MAGI3: variants seen among roughly 807,000 people sequenced by gnomAD.
MAGI3 encodes the protein membrane-associated guanylate kinase, WW and PDZ domain-containing protein 3.
A neutral mutation model predicts 121.8 loss-of-function variants in MAGI3; 43 were observed. The ratio of observed to expected loss-of-function variants is 0.35; its 90% CI spans 0.28 to 0.46. The LOEUF is 0.46. MAGI3 is among the 20% of genes least tolerant of loss of function. MAGI3 has a pLI of 1.00. For missense variants in MAGI3, 1,547 were observed against 1,797.3 expected, an observed-to-expected ratio of 0.86 and a Z score of 2.52; for synonymous variants, 553 against 639.3, an observed-to-expected ratio of 0.86 and a Z score of 2.04.
chr1:113,470,300 G>T (rs1241779403), intron 1 of MAGI3, among the ~76,000 whole-genome samples: 2 of 151,924 alleles, frequency 1.3e-5, no homozygotes, highest in African/African-American at 4.8e-5. Flanking sequence ...ATTCCCTAAG[G>T]TGTTGCATGT....
intron 6 of MAGI3, among the ~76,000 whole-genome samples, chr1:113,604,525 C>G (rs1649618642): frequency 8.0e-6 from 1 of 125,746 alleles, no homozygotes; most frequent in South Asian, 2.7e-4. Context: ...TGAGATCATG[C>G]CACTGCACTC....
At chr1:113,520,904 G>T (rs909112385) in intron 1 of MAGI3, among the ~76,000 whole-genome samples, 8 of 151,746 alleles carry the variant, frequency 5.3e-5, no homozygotes, top group Non-Finnish European at 4.4e-5. Context: ...ACCTGGCATA[G>T]TGTCCTGTTT....
chr1:113,504,386 G>C (rs1450248843), intron 1 of MAGI3, among the ~76,000 whole-genome samples: 1 of 152,018 alleles, frequency 6.6e-6, no homozygotes, highest in East Asian at 1.9e-4. Flanking sequence ...TAACCCAATG[G>C]ATAATGGGCA....
chr1:113,555,903 A>G (rs938751574), intron 2 of MAGI3, among the ~76,000 whole-genome samples: 4 of 150,864 alleles, frequency 2.7e-5, no homozygotes, highest in Non-Finnish European at 5.9e-5. Context: ...AGAGAAAGAA[A>G]GAAATTACTA....
chr1:113,636,704 G>A (rs1230930478), intron 9 of MAGI3, among the ~76,000 whole-genome samples: 1 of 152,084 alleles, frequency 6.6e-6, no homozygotes, highest in Non-Finnish European at 1.5e-5. Flanking sequence ...TGTATATTCT[G>A]TTGATTTGGG....
chr1:113,581,930 T>G (rs561301971), intron 3 of MAGI3, among the ~76,000 whole-genome samples: 5 of 151,104 alleles, frequency 3.3e-5, no homozygotes, highest in African/African-American at 9.7e-5. Context: ...GCTTTTGAAG[T>G]TTTTTTTTGT....
chr1:113,636,978 T>C (rs1432372420), intron 9 of MAGI3, among the ~76,000 whole-genome samples: 2 of 152,234 alleles, frequency 1.3e-5, no homozygotes, highest in Non-Finnish European at 2.9e-5. Context: ...TTTACCATTA[T>C]GTAATGGCCT....
chr1:113,524,578 C>T (rs1374598255), intron 1 of MAGI3, among the ~76,000 whole-genome samples: 1 of 152,010 alleles, frequency 6.6e-6, no homozygotes, highest in Non-Finnish European at 1.5e-5. Context: ...TCTTTAGCCC[C>T]TTTGTTTAGC....
In MAGI3 at chr1:113,585,504, C is replaced by T. The variant is rs767806633; in HGVS notation, c.671C>T (p.Thr224Ile). The T allele has an allele frequency of 1.9e-6, 3 of 1,614,056 alleles. No homozygotes were observed. The highest frequency in any genetic ancestry group is 2.7e-5 in the African/African-American group (2 of 75,012). The change falls in exon 4 of 21, where the codon ACA (threonine) becomes ATA (isoleucine). Residue 224 changes from threonine to isoleucine, a missense_variant. Coordinates refer to ENST00000307546, the MANE Select transcript of MAGI3 (RefSeq NM_001142782.2). ...GCAGAATCTCAAAGAAAACGAACGA[C>T]ATCTGTCAGCAAGATGGAAAGAATG... is the stretch of plus-strand genomic sequence containing the variant. ...FDAESQRKRT[T>I]SVSKMERMDS...
At chr1:113,624,732 A>G (rs991824265) in intron 9 of MAGI3, among the ~76,000 whole-genome samples, 1 of 151,990 alleles carries the variant, frequency 6.6e-6, no homozygotes, top group African/African-American at 2.4e-5. Context: ...CCATTTGTCC[A>G]TTTTTGCTTT....
intron 1 of MAGI3, among the ~76,000 whole-genome samples, chr1:113,496,593 G>C (rs1011442964): frequency 6.6e-6 from 1 of 152,102 alleles, no homozygotes; most frequent in Non-Finnish European, 1.5e-5. Flanking sequence ...TTGTTTATCT[G>C]TTTATTGATC....
chr1:113,402,203 T>C (rs1386752412), intron 1 of MAGI3, among the ~76,000 whole-genome samples: 1 of 152,164 alleles, frequency 6.6e-6, no homozygotes, highest in Non-Finnish European at 1.5e-5. Flanking sequence ...GAAATCTGCA[T>C]TCTCTTGGAA....
At chr1:113,681,081 G>C in intron 19 of MAGI3, 117 bp from the exon 20 acceptor site, 1 of 1,162,896 alleles carries the variant, frequency 8.6e-7, no homozygotes, top group Non-Finnish European at 1.2e-6. Flanking sequence ...GTACACGTTA[G>C]GTATTTTACA....
chr1:113,606,293 T>G (rs1395048062), intron 6 of MAGI3, among the ~76,000 whole-genome samples: 2 of 152,176 alleles, frequency 1.3e-5, no homozygotes, highest in Admixed American at 6.6e-5. Context: ...AAATAATTTT[T>G]ATACCGTAGT....
At chr1:113,529,192 C>T (rs561906279) in intron 1 of MAGI3, among the ~76,000 whole-genome samples, 1 of 152,166 alleles carries the variant, frequency 6.6e-6, no homozygotes, top group Non-Finnish European at 1.5e-5. Context: ...CTAGTTTAGC[C>T]TCCTAGTGTG....
At chr1:113,594,459 A>G (rs1648873706) in intron 5 of MAGI3, 22 bp from the exon 6 acceptor site, 9 of 1,572,540 alleles carry the variant, frequency 5.7e-6, no homozygotes, top group Non-Finnish European at 7.8e-6. Context: ...TACTGTTTCT[A>G]ATTAAAATCT....
At chr1:113,632,488 A>G (rs1391273631) in intron 9 of MAGI3, among the ~76,000 whole-genome samples, 1 of 152,222 alleles carries the variant, frequency 6.6e-6, no homozygotes, top group South Asian at 2.1e-4. Context: ...TTAAATAATC[A>G]TATTCAAATA....
chr1:113,565,120 G>A (rs951687923), intron 2 of MAGI3, among the ~76,000 whole-genome samples: 2 of 151,710 alleles, frequency 1.3e-5, no homozygotes, highest in Non-Finnish European at 2.9e-5. Flanking sequence ...AAAGTGCTGG[G>A]ATTGCAGGTG....
In MAGI3 at chr1:113,456,256, C is replaced by T. The variant is rs544953705; in HGVS notation, c.316+64907C>T. On this transcript the variant is annotated intron_variant, in intron 1 of 20. Transcript: ENST00000307546. ...CTGGGATTACAGGCGTGAGCCACCA[C>T]GCCCGGCCCCATTTTTTCTTTAATA... 2.2e-4 allele frequency among the ~76,000 whole-genome samples: 34 copies of T among 151,910 alleles called. No individual in the cohort carries two copies. In the South Asian group the frequency reaches 5.6e-3, roughly 25 times the overall value.
Sources: allele counts gnomAD v4.1 joint callset (sites outside exome capture counted in the v4.1 genomes callset), GRCh38; gene constraint gnomAD v4.1.1; transcripts MANE v1.5; gene names NCBI Gene and HGNC (gene_info 2026-07-23, HGNC 2026-07-21).